Variants in RTKN observed in about 807,000 individuals in gnomAD.
RTKN encodes the protein rhotekin.
A neutral mutation model predicts 63.5 loss-of-function variants in RTKN; 49 were observed. That is an observed-to-expected ratio of 0.77 (90% CI 0.61 to 0.98). The LOEUF is 0.98. RTKN is among the 50% of genes least tolerant of loss of function. The pLI is 0.00. For synonymous variants in RTKN, 295 were observed against 290.4 expected (o/e 1.02, Z -0.16); for missense variants, 685 against 740.8 (o/e 0.92, Z 0.87).
intron 6 of RTKN, 85 bp downstream of exon 6, chr2:74,429,743 G>T: frequency 3.1e-6 from 4 of 1,278,586 alleles, no homozygotes; most frequent in Non-Finnish European, 4.4e-6. Context: ...ATGCAAAATG[G>T]GTTCTGCACA....
intron 1 of RTKN, 126 bp downstream of exon 1, chr2:74,441,580 C>T: frequency 1.5e-6 from 1 of 652,998 alleles, no homozygotes; most frequent in East Asian, 2.7e-5. Context: ...ACAACTCCGT[C>T]GGGTTTGTAC....
intron 1 of RTKN, among the ~76,000 whole-genome samples, chr2:74,433,403 A>T (rs1047860850): frequency 6.6e-6 from 1 of 152,142 alleles, no homozygotes; most frequent in African/African-American, 2.4e-5. Flanking sequence ...CCTTTAATTC[A>T]GCTATCCAAT....
intron 2 of RTKN, chr2:74,432,198 T>TA: frequency 1.6e-6 from 1 of 611,722 alleles, no homozygotes; most frequent in Non-Finnish European, 3.0e-6. Flanking sequence ...CTTAGCAAAT[T>TA]AGTGCTTTTG....
At position 74,436,117 on chromosome 2, in the gene RTKN, C is replaced by T. The variant is rs560434410; in HGVS notation, c.112-3451G>A. On this transcript the variant is annotated intron_variant, in intron 1 of 11. Transcript: ENST00000272430. This position sits in a 1 kb window ranked among gnomAD's most constrained non-coding sequence, Gnocchi z 4.3. ...GCCACAAACATCCCAAATGGGTGAG[C>T]CTGGCAGGAGGGGGACACGGAGGTG... Among the ~76,000 whole-genome samples, 1 of 152,342 alleles carries T rather than the reference C, an allele frequency of 6.6e-6. No homozygotes were observed. Among genetic ancestry groups the T allele is most frequent in the South Asian group, 2.1e-4 (1 of 4,834 alleles).
chr2:74,432,109 T>C (rs1440208960), intron 2 of RTKN: 1 of 392,194 alleles, frequency 2.5e-6, no homozygotes, highest in African/African-American at 2.1e-5. Flanking sequence ...TGTGGTAAAT[T>C]GGTGATTTTG....
chr2:74,430,471 T>C lies in RTKN; in HGVS notation c.421A>G (p.Lys141Glu). The C allele has an allele frequency of 6.2e-7, 1 of 1,614,170 alleles. No homozygotes were observed. Among genetic ancestry groups the C allele is most frequent in the Non-Finnish European group, 8.5e-7 (1 of 1,180,008 alleles). The stretch of plus-strand genomic sequence containing the variant: ...CAGGGTGTGTGGAACTCACCACCTT[T>C]GTTCTTGAAATATTCTGTGTCCTTC... ...MWKDTEYFKN[K>E]GDLHRWAVFL... Residue 141 changes from lysine (K) to glutamate (E), a missense_variant, in exon 4 of 12, where the codon AAA becomes GAA. Transcript: ENST00000272430.
At position 74,429,028 on chromosome 2, in the gene RTKN, G is replaced by A; in HGVS notation, c.756-86C>T. 3.8e-6 allele frequency: 4 copies of A among 1,066,574 alleles called. 1 individual carries two copies. The highest frequency in any genetic ancestry group is 5.7e-6 in the Non-Finnish European group (4 of 696,208). 66.1% of individuals were successfully genotyped at this position (1,066,574 alleles called of 1,614,324 possible). On this transcript the variant is annotated intron_variant, in intron 6 of 11. Transcript: ENST00000272430. The stretch of plus-strand genomic sequence containing the variant: ...AAGGGCTGAGCAGATCTGCCCCATT[G>A]TTCAGACTGCCCCACAGAAAACTCG...
chr2:74,426,457 G>A lies in RTKN; in HGVS notation c.1478C>T (p.Pro493Leu). Residue 493 changes from proline (P) to leucine (L), a missense_variant, in exon 12 of 12, where the codon CCT becomes CTT. By Grantham distance (98) the Pro-to-Leu change is moderately conservative. Transcript: ENST00000272430. ...CACTGAGGCAGGCGAGCAGGGGTTA[G>A]GCAGGGCAGGCTGGTCTGTAAACAT... ...LAMFTDQPAL[P>L]NPCSPASVAP... 2 of 1,611,790 alleles carry A rather than the reference G, an allele frequency of 1.2e-6. No individual in the cohort carries two copies. The highest frequency in any genetic ancestry group is 2.2e-5 in the South Asian group (2 of 90,840).
At chr2:74,438,298 T>C (rs1231849637) in intron 1 of RTKN, among the ~76,000 whole-genome samples, 1 of 152,152 alleles carries the variant, frequency 6.6e-6, no homozygotes, top group African/African-American at 2.4e-5. Flanking sequence ...GCAAATCCTG[T>C]CAGACCTACC....
rs1558536744 is a variant in RTKN at position 74,426,217 on chromosome 2, A to G, written c.*26T>C. On this transcript the variant is annotated 3_prime_UTR_variant, in exon 12 of 12. Transcript: ENST00000272430. ...GCATGGGTCATTTTCTCTTCTGGGC[A>G]GATCCTATGCCAGCACCTTTCTCTC... 6.2e-7 allele frequency: 1 copy of G among 1,602,620 alleles called. No homozygotes were observed. Among genetic ancestry groups the G allele is most frequent in the Admixed American group, 1.7e-5 (1 of 59,736 alleles).
intron 1 of RTKN, among the ~76,000 whole-genome samples, chr2:74,437,164 C>A (rs1343917052): frequency 6.6e-6 from 1 of 152,168 alleles, no homozygotes; most frequent in East Asian, 1.9e-4. Context: ...AGAATTTGAC[C>A]CCTGGAACCT....
intron 2 of RTKN, chr2:74,432,031 T>C: frequency 3.3e-6 from 1 of 300,328 alleles, no homozygotes; most frequent in South Asian, 3.0e-5. Context: ...CCTTAAGTGG[T>C]TTCTTATTTC....
rs1170347491 is a variant in RTKN, at chr2:74,426,412, G to A, written c.1523C>T (p.Thr508Ile). The A allele has an allele frequency of 6.2e-7, 1 of 1,612,014 alleles. No homozygotes were observed. Among genetic ancestry groups the A allele is most frequent in the African/African-American group, 1.3e-5 (1 of 74,912 alleles). ...GGGTCTCCCCCAGGGCAGGGGGTGG[G>A]TCCAGTCTGGGGCTGGGGCCACTGA... ...PASVAPAPDW[T>I]HPLPWGRPRT... is the part of the protein sequence containing the mutation. Residue 508 changes from threonine to isoleucine, a missense_variant, in exon 12 of 12, where the codon ACC (threonine) becomes ATC (isoleucine). Transcript: ENST00000272430.
intron 2 of RTKN, chr2:74,431,065 ATT>A (rs3216578): frequency 1.6e-3 from 259 of 163,952 alleles, no homozygotes; most frequent in South Asian, 4.4e-3. Context: ...TCCAGTCTTT[ATT>A]TTTTTTTTTT....
In RTKN at chr2:74,432,457, C is replaced by G. The variant is rs752418872; in HGVS notation, c.311+10G>C. ...TGCCTCCATCGAGGCCTCGTCTCCC[C>G]CTTGCTCACCGCCGGCTTGTCTTCC... is the stretch of plus-strand genomic sequence containing the variant. On this transcript the variant is annotated intron_variant, in intron 2 of 11. Coordinates refer to ENST00000272430, the MANE Select transcript of RTKN (RefSeq NM_001015055.2). 2.5e-6 allele frequency: 4 copies of G among 1,606,218 alleles called. No homozygotes were observed. In the African/African-American group the frequency reaches 4.0e-5, roughly 16 times the overall value.
chr2:74,441,833 C>T lies in RTKN; in HGVS notation c.-17G>A. On this transcript the variant is annotated 5_prime_UTR_variant, in exon 1 of 12. Coordinates refer to ENST00000272430, the MANE Select transcript of RTKN (RefSeq NM_001015055.2). ...GGAGAACATGCTGGCGGCCCTGCGA[C>T]TTTGCCTGCTCAGTGCGCTCCCCGC... 2.6e-6 allele frequency: 4 copies of T among 1,550,644 alleles called. No individual in the cohort carries two copies. The highest frequency in any genetic ancestry group is 3.5e-6 in the Non-Finnish European group (4 of 1,130,610).
chr2:74,426,642 C>A (rs1450456089), intron 11 of RTKN, 68 bp from the exon 12 acceptor site: 15 of 1,493,364 alleles, frequency 1.0e-5, no homozygotes, highest in Non-Finnish European at 1.2e-5. Flanking sequence ...GCCTACCCAG[C>A]CCTATCACCT....
chr2:74,427,089 G>A, intron 11 of RTKN, 80 bp downstream of exon 11: 1 of 1,544,368 alleles, frequency 6.5e-7, no homozygotes, highest in Non-Finnish European at 8.9e-7. Context: ...CTTTCTCTCT[G>A]TTTCCATTAT....
intron 2 of RTKN, chr2:74,431,680 T>G (rs1670760279): frequency 1.3e-5 from 2 of 152,530 alleles, no homozygotes; most frequent in South Asian, 4.1e-4. Flanking sequence ...GGTAGCTTCA[T>G]GGGTGAGCTC....
Sources: gnomAD v4.1 joint callset for allele counts (sites outside exome capture counted in the v4.1 genomes callset) on GRCh38, gnomAD v4.1.1 for gene constraint, Gnocchi (gnomAD v3.1) non-coding constraint, MANE v1.5 for transcripts, NCBI Gene and HGNC (gene_info 2026-07-23, HGNC 2026-07-21) for gene names.